Variants in HAUS8 observed in about 807,000 individuals in gnomAD.
The protein encoded by HAUS8 is HAUS augmin-like complex subunit 8.
Under a neutral mutation model 42.9 loss-of-function variants are expected in HAUS8, and 38 were observed. The ratio of observed to expected loss-of-function variants is 0.89; its 90% CI spans 0.68 to 1.16. The LOEUF (loss-of-function observed/expected upper bound fraction) is 1.16. Ranked by LOEUF, HAUS8 falls within the 50% of genes most tolerant of loss-of-function variation. The pLI, the probability that HAUS8 is intolerant of heterozygous loss-of-function variation, is 0.00. For synonymous variants in HAUS8, 199 were observed against 205.8 expected (o/e 0.97, Z 0.28); for missense variants, 494 against 511.6 (o/e 0.97, Z 0.33).
chr19:17,056,552 C>T (rs968227741), intron 8 of HAUS8, among the ~76,000 whole-genome samples: 1 of 152,022 alleles, frequency 6.6e-6, no homozygotes, highest in Non-Finnish European at 1.5e-5. Flanking sequence ...CACACATACA[C>T]ACACACACAG....
chr19:17,075,528 CGAGGCGT>C, upstream of HAUS8: 1 of 1,288,344 alleles, frequency 7.8e-7, no homozygotes, highest in Non-Finnish European at 1.1e-6. Context: ...GGGGTGGCTG[CGAGGCGT>C]GAGGCAGCGC....
intron 4 of HAUS8, among the ~76,000 whole-genome samples, chr19:17,061,304 A>AT (rs1413594282): frequency 6.6e-6 from 1 of 151,874 alleles, no homozygotes; most frequent in African/African-American, 2.4e-5. Flanking sequence ...ATAATTTTTT[A>AT]TTTTTTTATT....
At chr19:17,055,294 T>G (rs775630978) in intron 9 of HAUS8, among the ~76,000 whole-genome samples, 2 of 129,898 alleles carry the variant, frequency 1.5e-5, no homozygotes, top group Non-Finnish European at 3.2e-5. Context: ...GAGCTGAGAT[T>G]GTGCCACTGC....
In HAUS8 at chr19:17,053,055, T is replaced by C. The variant is rs545695605; in HGVS notation, c.788-89A>G. On this transcript the variant is annotated intron_variant, in intron 9 of 10. Transcript: ENST00000253669. ...TGGAGCGGCCGACAGACTTCTGTCA[T>C]GATGCTCGGCTATCGCGCTGGAACC... The C allele has an allele frequency of 3.9e-5, 58 of 1,503,724 alleles. No individual in the cohort carries two copies. The African/African-American group carries it at 5.6e-4, about 15-fold the overall frequency. 93.1% of individuals were successfully genotyped at this position (1,503,724 alleles called of 1,614,324 possible).
chr19:17,051,201 C>T (rs1281019199), intron 10 of HAUS8, among the ~76,000 whole-genome samples: 1 of 152,028 alleles, frequency 6.6e-6, no homozygotes, highest in Non-Finnish European at 1.5e-5. Context: ...TTTGATGTCT[C>T]CTGAATTGAT....
chr19:17,059,414 C>A lies in HAUS8; in HGVS notation c.420+143G>T, dbSNP rs2057346049. 6.4e-6 allele frequency: 4 copies of A among 626,776 alleles called. No individual in the cohort carries two copies. In the Admixed American group the frequency reaches 1.2e-4, roughly 18 times the overall value. The allele number at this position is 626,776 out of a possible 1,614,324, so 38.8% of individuals were successfully genotyped here. ...AACTCTACAAATGATCTAAGAACAT[C>A]TGTAGTCTTGATTTTTGTCCTAAAG... On this transcript the variant is annotated intron_variant, in intron 6 of 10. Coordinates refer to ENST00000253669, the MANE Select transcript of HAUS8 (RefSeq NM_033417.2).
At chr19:17,065,477 A>G (rs765312832) in intron 3 of HAUS8, among the ~76,000 whole-genome samples, 1 of 152,166 alleles carries the variant, frequency 6.6e-6, no homozygotes, top group Non-Finnish European at 1.5e-5. Context: ...TTTTTGACCA[A>G]TCACATTTCC....
rs1180270008 is a variant in HAUS8 at position 17,069,103 on chromosome 19, T to C, written c.92-17A>G. The C allele has an allele frequency of 2.5e-6, 4 of 1,610,518 alleles. No individual in the cohort carries two copies. Among genetic ancestry groups the C allele is most frequent in the Non-Finnish European group, 3.4e-6 (4 of 1,177,714 alleles). Reference sequence around the variant, plus strand: ...CTCTTCCACCTGTGGGGACACACTGTTGGTGCACAACAAAACTACAAAGGA... The same window carrying C: ...CTCTTCCACCTGTGGGGACACACTGCTGGTGCACAACAAAACTACAAAGGA... On this transcript the variant is annotated splice_polypyrimidine_tract_variant and intron_variant, in intron 2 of 10. Transcript: ENST00000253669.
chr19:17,059,449 G>A, intron 6 of HAUS8, 108 bp downstream of exon 6: 1 of 735,274 alleles, frequency 1.4e-6, no homozygotes, highest in South Asian at 1.7e-5. Context: ...GGGCATGGGT[G>A]TCTTTTATGT....
rs1006756095 is a variant in HAUS8, at chr19:17,062,707, T to C, written c.220A>G (p.Lys74Glu). 83 of 1,614,032 alleles carry C rather than the reference T, an allele frequency of 5.1e-5. No individual in the cohort carries two copies. The highest frequency in any genetic ancestry group is 1.6e-4 in the Middle Eastern group (1 of 6,082). Reference sequence around the variant, plus strand: ...CATGGCTGTTTCGCACCTTTGCTTTTCTGGAGCAGGCTGGATTTCCTTCCA... The same window carrying C: ...CATGGCTGTTTCGCACCTTTGCTTTCCTGGAGCAGGCTGGATTTCCTTCCA... Reference protein sequence around the residue: ...EGGRKSSLLQKSKADSSGVGK... With the variant: ...EGGRKSSLLQESKADSSGVGK... Residue 74 changes from lysine (K) to glutamate (E), a missense_variant, in exon 4 of 11, where the codon AAA (lysine) becomes GAA (glutamate). Lys to Glu is a moderately conservative substitution (Grantham distance 56). Coordinates refer to ENST00000253669, the MANE Select transcript of HAUS8 (RefSeq NM_033417.2).
At chr19:17,053,088 G>A (rs2057298220) in intron 9 of HAUS8, 122 bp from the exon 10 acceptor site, 2 of 1,160,544 alleles carry the variant, frequency 1.7e-6, no homozygotes, top group Non-Finnish European at 2.5e-6. Flanking sequence ...ACCGTGGAGA[G>A]CGCACAGGGA....
chr19:17,051,194 G>A (rs1214819235), intron 10 of HAUS8, among the ~76,000 whole-genome samples: 2 of 152,098 alleles, frequency 1.3e-5, no homozygotes, highest in African/African-American at 4.8e-5. Flanking sequence ...ATAACCCTTT[G>A]ATGTCTCCTG....
chr19:17,072,498 A>G (rs1051043711), intron 2 of HAUS8, among the ~76,000 whole-genome samples: 1 of 151,528 alleles, frequency 6.6e-6, no homozygotes, highest in Non-Finnish European at 1.5e-5. Flanking sequence ...ACCTACCACC[A>G]TGGCCGGCTA....
At chr19:17,059,231 C>A (rs1285840476) in intron 6 of HAUS8, among the ~76,000 whole-genome samples, 1 of 152,224 alleles carries the variant, frequency 6.6e-6, no homozygotes, top group Non-Finnish European at 1.5e-5. Flanking sequence ...CTTGTCCTCA[C>A]CCCAGTGAGA....
chr19:17,050,211 C>T (rs1363650770), intron 10 of HAUS8, 35 bp from the exon 11 acceptor site: 5 of 1,450,608 alleles, frequency 3.4e-6, no homozygotes, highest in Non-Finnish European at 4.6e-6. Flanking sequence ...ACGGCTTTCA[C>T]CCTCTGAGGT....
chr19:17,058,514 C>G, intron 8 of HAUS8, 35 bp downstream of exon 8: 1 of 1,547,560 alleles, frequency 6.5e-7, no homozygotes, highest in Non-Finnish European at 8.7e-7. Context: ...TCACAGGGAA[C>G]ACTCACTGGT....
chr19:17,050,083 C>T lies in HAUS8; in HGVS notation c.1023G>A (p.Ala341=), dbSNP rs12460560. ...QEVWEETQGM[A]PPSRWYFNQD... is the part of the protein sequence containing the mutation. ...GATTGAAATACCACCGGCTGGGGGG[C>T]GCCATGCCCTGGGTCTCTTCCCAGA... The change falls in exon 11 of 11, where the codon GCG becomes GCA. Residue 341 remains alanine (A), a synonymous_variant. Transcript: ENST00000253669. The T allele has an allele frequency of 5.0e-3, 7,933 of 1,602,576 alleles. 532 individuals carry two copies. The Admixed American group carries it at 0.12, about 24-fold the overall frequency.
At chr19:17,054,572 C>T (rs570773994) in intron 9 of HAUS8, among the ~76,000 whole-genome samples, 1 of 151,876 alleles carries the variant, frequency 6.6e-6, no homozygotes, top group East Asian at 2.0e-4. Flanking sequence ...GAGGGCAAGG[C>T]GGGCAGATCA....
At chr19:17,074,055 T>C (rs1278235559) in intron 1 of HAUS8, 1 of 152,096 alleles carries the variant, frequency 6.6e-6, no homozygotes, top group African/African-American at 2.4e-5. Flanking sequence ...AAGCCTGATG[T>C]AATAGGAAAG....
Sources: gnomAD v4.1 joint callset for allele counts (sites outside exome capture counted in the v4.1 genomes callset) on GRCh38, gnomAD v4.1.1 for gene constraint, MANE v1.5 for transcripts, NCBI Gene and HGNC (gene_info 2026-07-23, HGNC 2026-07-21) for gene names.